The following FSTL5 variants were observed in gnomAD, a reference collection of about 807,000 sequenced individuals.
FSTL5 encodes the protein follistatin-related protein 5.
A neutral mutation model predicts 89.1 loss-of-function variants in FSTL5; 62 were observed. That is an observed-to-expected ratio of 0.70 (90% CI 0.57 to 0.86). The LOEUF (loss-of-function observed/expected upper bound fraction) is 0.86, where lower values mean the gene tolerates loss of function less well. Among genes scored for constraint, FSTL5 ranks in the 40% least tolerant of loss-of-function variants. The probability of loss-of-function intolerance (pLI) is 0.00; values close to 1 mark genes in which losing one functional copy is unlikely to be tolerated. For missense variants in FSTL5, 1,057 were observed against 1,001.6 expected (o/e 1.06, Z -0.75); for synonymous variants, 383 against 346.2 (o/e 1.11, Z -1.18).
chr4:162,001,671 G>T (rs566621620), intron 3 of FSTL5, among the ~76,000 whole-genome samples: 1 of 119,598 alleles, frequency 8.4e-6, no homozygotes, highest in African/African-American at 3.3e-5. Context: ...AACTAGTGAT[G>T]TATACATGTT....
chr4:161,482,825 C>T (rs1323042174), intron 12 of FSTL5, among the ~76,000 whole-genome samples: 1 of 152,162 alleles, frequency 6.6e-6, no homozygotes, highest in Non-Finnish European at 1.5e-5. Flanking sequence ...CAGGAAGGCT[C>T]TGGAGTGTCC....
At chr4:161,676,628 A>G (rs968492195) in intron 6 of FSTL5, among the ~76,000 whole-genome samples, 1 of 152,076 alleles carries the variant, frequency 6.6e-6, no homozygotes, top group Non-Finnish European at 1.5e-5. Context: ...CGTTCTGCAT[A>G]TGTATCCCAG....
chr4:161,959,699 A>G (rs1406710504), intron 3 of FSTL5, among the ~76,000 whole-genome samples: 1 of 152,154 alleles, frequency 6.6e-6, no homozygotes, highest in Non-Finnish European at 1.5e-5. Flanking sequence ...AGATTTTTTT[A>G]GACATTGTTG....
At chr4:161,665,057 T>C (rs895545953) in intron 6 of FSTL5, among the ~76,000 whole-genome samples, 1 of 152,100 alleles carries the variant, frequency 6.6e-6, no homozygotes, top group Admixed American at 6.6e-5. Context: ...ACAATTAAAG[T>C]TGAGATTTGG....
At chr4:161,963,861 G>C (rs993969099) in intron 3 of FSTL5, among the ~76,000 whole-genome samples, 2 of 151,868 alleles carry the variant, frequency 1.3e-5, no homozygotes, top group Non-Finnish European at 2.9e-5. Flanking sequence ...GAAGTGATCT[G>C]AGTAATTTCT....
chr4:161,461,418 G>A (rs1220921712), intron 13 of FSTL5, among the ~76,000 whole-genome samples: 4 of 115,986 alleles, frequency 3.4e-5, no homozygotes, highest in Admixed American at 1.3e-4. Context: ...CAGAGATCAC[G>A]CCATTGCACT....
chr4:162,001,314 ATCC>A (rs1173174435), intron 3 of FSTL5, among the ~76,000 whole-genome samples: 1 of 150,914 alleles, frequency 6.6e-6, no homozygotes, highest in African/African-American at 2.5e-5. Context: ...CTGTCTATCT[ATCC>A]TCCTATCTAT....
chr4:161,575,299 T>A (rs1244909041), intron 8 of FSTL5, among the ~76,000 whole-genome samples: 1 of 152,226 alleles, frequency 6.6e-6, no homozygotes, highest in East Asian at 1.9e-4. Context: ...GTAGGTTGCC[T>A]GTTCACTTTG....
intron 6 of FSTL5, among the ~76,000 whole-genome samples, chr4:161,675,869 A>G (rs1256389653): frequency 1.3e-5 from 2 of 152,130 alleles, no homozygotes; most frequent in Non-Finnish European, 2.9e-5. Context: ...AAAAAGAAAT[A>G]TTACAAAAGA....
intron 1 of FSTL5, among the ~76,000 whole-genome samples, chr4:162,152,318 T>C (rs1418274530): frequency 6.6e-6 from 1 of 152,180 alleles, no homozygotes; most frequent in South Asian, 2.1e-4. Flanking sequence ...TTATGAGAAA[T>C]CTCACCAAGG....
intron 2 of FSTL5, among the ~76,000 whole-genome samples, chr4:162,058,748 A>C (rs1380763137): frequency 6.6e-6 from 1 of 152,062 alleles, no homozygotes; most frequent in Non-Finnish European, 1.5e-5. Flanking sequence ...CTATTCAATT[A>C]GAAATTTTTA....
intron 4 of FSTL5, among the ~76,000 whole-genome samples, chr4:161,916,670 G>C (rs1454976082): frequency 2.0e-5 from 3 of 151,808 alleles, no homozygotes; most frequent in Non-Finnish European, 4.4e-5. Flanking sequence ...TATATTCATA[G>C]GTATATTGTT....
At position 161,455,056 on chromosome 4, in the gene FSTL5, T is replaced by C. The variant is rs144319600; in HGVS notation, c.1789A>G (p.Arg597Gly). The change falls in exon 15 of 16, where the codon AGA becomes GGA. Residue 597 changes from arginine to glycine, a missense_variant. Physicochemically the swap from Arg to Gly is moderately radical, Grantham distance 125. Around this residue, in one of 3 missense-constraint regions of FSTL5, gnomAD observed 980 missense variants for 903.2 expected, o/e 1.08. Coordinates refer to ENST00000306100, the MANE Select transcript of FSTL5 (RefSeq NM_020116.5). ...HTQPVGKQFD[R>G]VDDFFIPTTT... is the part of the protein sequence containing the mutation. ...GTGGGAATGAAAAAATCATCCACTC[T>C]GTCAAATTGCTTTCCCACTGGTTGG... 5.0e-6 allele frequency: 8 copies of C among 1,613,664 alleles called. No individual in the cohort carries two copies. Among genetic ancestry groups the C allele is most frequent in the Non-Finnish European group, 6.8e-6 (8 of 1,179,736 alleles).
chr4:162,094,691 T>C (rs1267547439), intron 2 of FSTL5, among the ~76,000 whole-genome samples: 1 of 152,160 alleles, frequency 6.6e-6, no homozygotes. Context: ...GTGAAATATA[T>C]GAAAGAGTAG....
chr4:161,392,355 T>A (rs1002239705), intron 15 of FSTL5, among the ~76,000 whole-genome samples: 15 of 151,982 alleles, frequency 9.9e-5, no homozygotes, highest in Non-Finnish European at 1.8e-4. Flanking sequence ...AACTCCTGAG[T>A]AGCTGGGACT....
intron 4 of FSTL5, among the ~76,000 whole-genome samples, chr4:161,820,473 A>G (rs981412041): frequency 5.9e-5 from 9 of 152,362 alleles, no homozygotes; most frequent in African/African-American, 1.7e-4. Flanking sequence ...TCATTGAAAC[A>G]TATAATGAAT....
intron 2 of FSTL5, among the ~76,000 whole-genome samples, chr4:162,038,010 T>C (rs1737805958): frequency 6.6e-6 from 1 of 152,046 alleles, no homozygotes; most frequent in Admixed American, 6.6e-5. Context: ...ATGTGAGAAC[T>C]CACGAGTGAC....
At chr4:161,994,827 AG>A (rs1736241586) in intron 3 of FSTL5, among the ~76,000 whole-genome samples, 1 of 152,086 alleles carries the variant, frequency 6.6e-6, no homozygotes, top group African/African-American at 2.4e-5. Context: ...CCCATTCTGT[AG>A]GTTGTCTATT....
chr4:162,088,787 C>T (rs140423809), intron 2 of FSTL5, among the ~76,000 whole-genome samples: 1 of 152,016 alleles, frequency 6.6e-6, no homozygotes. Context: ...AAATGAGTAA[C>T]ATTTATAGTT....
Sources: allele counts gnomAD v4.1 joint callset (sites outside exome capture counted in the v4.1 genomes callset), GRCh38; gene constraint gnomAD v4.1.1; regional missense constraint gnomAD v4.1.1; transcripts MANE v1.5; gene names NCBI Gene and HGNC (gene_info 2026-07-23, HGNC 2026-07-21).